Variants in RASAL2 observed in about 807,000 individuals in gnomAD.
The protein encoded by RASAL2 is ras GTPase-activating protein nGAP.
A neutral mutation model predicts 128.9 loss-of-function variants in RASAL2; 58 were observed. The observed-to-expected ratio is 0.45, with a 90% confidence interval of 0.36 to 0.56. RASAL2 has a LOEUF of 0.56. RASAL2 is among the 20% of genes least tolerant of loss of function. The pLI is 0.00. For synonymous variants in RASAL2, 561 were observed against 580.8 expected (o/e 0.97, Z 0.49); for missense variants, 1,360 against 1,601.6 (o/e 0.85, Z 2.57).
intron 1 of RASAL2, among the ~76,000 whole-genome samples, chr1:178,150,812 C>T (rs1660887605): frequency 6.6e-6 from 1 of 152,104 alleles, no homozygotes; most frequent in Non-Finnish European, 1.5e-5. Flanking sequence ...ACCAGTCATT[C>T]ATCTTCCCAG....
chr1:178,203,291 C>A (rs759890649), intron 1 of RASAL2, among the ~76,000 whole-genome samples: 10 of 152,196 alleles, frequency 6.6e-5, no homozygotes, highest in Non-Finnish European at 1.5e-4. Flanking sequence ...ATGGAATTCA[C>A]TGGTCTTACC....
At chr1:178,349,107 G>A (rs897714118) in intron 3 of RASAL2, among the ~76,000 whole-genome samples, 1 of 151,044 alleles carries the variant, frequency 6.6e-6, no homozygotes, top group Non-Finnish European at 1.5e-5. Context: ...CCCGACACCA[G>A]GTTTATTTTC....
chr1:178,184,152 G>C (rs1662211706), intron 1 of RASAL2, among the ~76,000 whole-genome samples: 1 of 152,092 alleles, frequency 6.6e-6, no homozygotes, highest in Non-Finnish European at 1.5e-5. Flanking sequence ...TGAGTTATCT[G>C]TTTTTATATT....
At chr1:178,146,174 C>G (rs1660724050) in intron 1 of RASAL2, among the ~76,000 whole-genome samples, 1 of 152,136 alleles carries the variant, frequency 6.6e-6, no homozygotes, top group East Asian at 1.9e-4. Context: ...GGAAAAAACA[C>G]AGACAGTTGC....
At chr1:178,185,156 A>G (rs533360884) in intron 1 of RASAL2, among the ~76,000 whole-genome samples, 126 of 151,056 alleles carry the variant, frequency 8.3e-4, no homozygotes, top group Non-Finnish European at 1.3e-3. Flanking sequence ...TGTTGCTGGC[A>G]TAAAGGAAAT....
chr1:178,130,160 T>G (rs750290360), intron 1 of RASAL2, among the ~76,000 whole-genome samples: 29 of 152,296 alleles, frequency 1.9e-4, no homozygotes, highest in South Asian at 1.9e-3. Flanking sequence ...AGATAATGTC[T>G]CAAACTTGAT....
intron 3 of RASAL2, among the ~76,000 whole-genome samples, chr1:178,332,098 T>C (rs1038460067): frequency 1.3e-5 from 2 of 152,146 alleles, no homozygotes; most frequent in Non-Finnish European, 2.9e-5. Flanking sequence ...ATTTTAAATG[T>C]TTTTTGGATT....
chr1:178,232,257 A>G (rs1664040794), intron 1 of RASAL2, among the ~76,000 whole-genome samples: 1 of 152,196 alleles, frequency 6.6e-6, no homozygotes, highest in Admixed American at 6.5e-5. Context: ...AAAACTTGGC[A>G]TTCATGATCT....
intron 1 of RASAL2, among the ~76,000 whole-genome samples, chr1:178,106,277 C>T (rs1659085218): frequency 6.6e-6 from 1 of 152,184 alleles, no homozygotes; most frequent in Non-Finnish European, 1.5e-5. Context: ...TGGCTATAAT[C>T]TATATTTGCA....
rs190080709 is a variant in RASAL2, at chr1:178,257,086, C to A, written c.203-26478C>A. 6.3e-3 allele frequency among the ~76,000 whole-genome samples: 952 copies of A among 151,948 alleles called. 14 individuals carry two copies. The highest frequency in any genetic ancestry group is 7.3e-3 in the Non-Finnish European group (498 of 67,928). On this transcript the variant is annotated intron_variant, in intron 1 of 17. Transcript: ENST00000367649. ...GGAATTTAATAAAAGAAGTGCAAAA[C>A]CTTTGAAAACCACAAAACACTATTG...
chr1:178,144,802 A>G (rs1660662039), intron 1 of RASAL2, among the ~76,000 whole-genome samples: 1 of 152,192 alleles, frequency 6.6e-6, no homozygotes, highest in Non-Finnish European at 1.5e-5. Flanking sequence ...AAATCATTCT[A>G]GGAGATTTGC....
intron 5 of RASAL2, 120 bp from the exon 6 acceptor site, chr1:178,439,302 G>T (rs1676467553): frequency 1.2e-6 from 1 of 837,274 alleles, no homozygotes. Flanking sequence ...CTATTAATTT[G>T]TTCCTCATTT....
rs550587477 is a variant in RASAL2 at position 178,141,312 on chromosome 1, G to T, written c.202+46618G>T. On this transcript the variant is annotated intron_variant, in intron 1 of 17. Transcript: ENST00000367649. ...CCCACTCCCAGCTCGAATGCCTGGG[G>T]TTTATATCCCAATCATTGCCCCTTC... Among the ~76,000 whole-genome samples the T allele has an allele frequency of 1.1e-3, 161 of 151,530 alleles. 1 individual carries two copies. Among genetic ancestry groups the T allele is most frequent in the African/African-American group, 3.6e-3 (149 of 41,252 alleles).
chr1:178,227,420 T>G (rs1260436750), intron 1 of RASAL2, among the ~76,000 whole-genome samples: 2 of 152,168 alleles, frequency 1.3e-5, no homozygotes, highest in Non-Finnish European at 2.9e-5. Flanking sequence ...TGACTGTAGA[T>G]CATAAGACTC....
At chr1:178,309,909 G>A (rs1668157878) in intron 3 of RASAL2, among the ~76,000 whole-genome samples, 1 of 136,252 alleles carries the variant, frequency 7.3e-6, no homozygotes, top group Admixed American at 7.0e-5. Flanking sequence ...GTTACAACAG[G>A]CATGTTGGGT....
At chr1:178,102,476 C>T (rs1658939942) in intron 1 of RASAL2, among the ~76,000 whole-genome samples, 1 of 152,192 alleles carries the variant, frequency 6.6e-6, no homozygotes, top group African/African-American at 2.4e-5. Context: ...TCCACCTCAG[C>T]CTCCCGAATA....
At chr1:178,207,900 G>A (rs931359166) in intron 1 of RASAL2, among the ~76,000 whole-genome samples, 1 of 152,158 alleles carries the variant, frequency 6.6e-6, no homozygotes, top group African/African-American at 2.4e-5. Flanking sequence ...GTCAAATCAT[G>A]TTGCGGGAGG....
chr1:178,430,804 C>T (rs1675836288), intron 5 of RASAL2, among the ~76,000 whole-genome samples: 1 of 151,772 alleles, frequency 6.6e-6, no homozygotes, highest in African/African-American at 2.4e-5. Context: ...CTTTTGGCTT[C>T]AGTTTGAGTG....
rs1446716499 is a variant in RASAL2, at chr1:178,478,385, A to G, written c.*5146A>G. 2 of 152,246 alleles carry G rather than the reference A, an allele frequency of 1.3e-5. No homozygotes were observed. The highest frequency in any genetic ancestry group is 1.3e-4 in the Admixed American group (2 of 15,288). The allele number at this position is 152,246 out of a possible 1,614,324, so 9.4% of individuals were successfully genotyped here. A position where few individuals can be genotyped will look rare whatever the true frequency, so the allele number is the denominator to read the frequency against. ...CCACCTTCAGGAAAGTTAAATAGTA[A>G]ATTAGGTTAAATTTTGACTGGTGCT... On this transcript the variant is annotated 3_prime_UTR_variant, in exon 18 of 18. Coordinates refer to ENST00000367649, the MANE Select transcript of RASAL2 (RefSeq NM_170692.4).
Sources: allele counts gnomAD v4.1 joint callset (sites outside exome capture counted in the v4.1 genomes callset), GRCh38; gene constraint gnomAD v4.1.1; transcripts MANE v1.5; gene names NCBI Gene and HGNC (gene_info 2026-07-23, HGNC 2026-07-21).